ADAM22: variants seen among roughly 807,000 people sequenced by gnomAD.
The protein encoded by ADAM22 is ADAM metallopeptidase domain 22.
A neutral mutation model predicts 144.6 loss-of-function variants in ADAM22; 65 were observed. The ratio of observed to expected loss-of-function variants is 0.45; its 90% CI spans 0.37 to 0.55. The LOEUF is 0.55. Ranked by LOEUF, ADAM22 falls within the 20% of genes least tolerant of loss-of-function variation. The probability of loss-of-function intolerance (pLI) is 0.00; values close to 1 mark genes in which losing one functional copy is unlikely to be tolerated. For synonymous variants in ADAM22, 391 were observed against 412.6 expected, an observed-to-expected ratio of 0.95 and a Z score of 0.63; for missense variants, 974 against 1,184.9, an observed-to-expected ratio of 0.82 and a Z score of 2.61.
intron 31 of ADAM22, 102 bp downstream of exon 31, chr7:88,193,341 A>G: frequency 7.5e-7 from 1 of 1,336,830 alleles, no homozygotes; most frequent in Non-Finnish European, 9.9e-7. Flanking sequence ...CCTTGTTCCT[A>G]AGAAAATGAA....
intron 3 of ADAM22, among the ~76,000 whole-genome samples, chr7:88,043,353 C>T (rs376174916): frequency 1.2e-4 from 18 of 151,818 alleles, no homozygotes; most frequent in African/African-American, 3.6e-4. Context: ...GGCGTGGTGG[C>T]GGGCACCTGT....
Position 88,134,389 on chromosome 7 carries a change from AT to A in ADAM22, c.1140del (p.Ile381SerfsTer7). 1 of 1,610,946 alleles carries A rather than the reference AT, an allele frequency of 6.2e-7. No homozygotes were observed. Among genetic ancestry groups the A allele is most frequent in the Non-Finnish European group, 8.5e-7 (1 of 1,178,874 alleles). On this transcript the variant is annotated frameshift_variant, in exon 13 of 32. Coordinates refer to ENST00000413139, the MANE Select transcript of ADAM22 (RefSeq NM_001324418.2). LOFTEE classifies it high-confidence loss of function. ...LAQSLAHNIG[I>X]ISDKRKLASG... Reference sequence around the variant, plus strand: ...CCAGTCATTAGCCCATAATATTGGTATTATCTCAGACAAAAGAAAGTTAGCA... The same window carrying A: ...CCAGTCATTAGCCCATAATATTGGTATATCTCAGACAAAAGAAAGTTAGCA...
intron 3 of ADAM22, among the ~76,000 whole-genome samples, chr7:88,066,897 C>T (rs145563102): frequency 2.0e-5 from 3 of 152,118 alleles, no homozygotes; most frequent in Non-Finnish European, 2.9e-5. Context: ...TTAGATTTAA[C>T]GATATAGAGG....
At chr7:87,955,183 T>G (rs561467663) in intron 2 of ADAM22, among the ~76,000 whole-genome samples, 2 of 152,362 alleles carry the variant, frequency 1.3e-5, no homozygotes, top group African/African-American at 4.8e-5. Flanking sequence ...GGTGAGGAAC[T>G]GCGTTCCTTT....
In ADAM22 at chr7:88,010,975, TGTG is replaced by T. The variant is rs1795216284; in HGVS notation, c.323+32567_323+32569del. Among the ~76,000 whole-genome samples the T allele has an allele frequency of 2.0e-5, 3 of 152,192 alleles. No individual in the cohort carries two copies. The South Asian group carries it at 6.2e-4, about 32-fold the overall frequency. On this transcript the variant is annotated intron_variant, in intron 3 of 31. Transcript: ENST00000413139. ...AGTGTAATTTTTTGTGATTAGTAAATGTGGTGTGCTTTTTAAAGTATGTGATGG... is the reference window on the plus strand; with the variant it reads ...AGTGTAATTTTTTGTGATTAGTAAATGTGTGCTTTTTAAAGTATGTGATGG...
chr7:88,016,504 C>T (rs896547366), intron 3 of ADAM22, among the ~76,000 whole-genome samples: 7 of 152,098 alleles, frequency 4.6e-5, no homozygotes, highest in African/African-American at 1.7e-4. Context: ...ATTATTAATG[C>T]GTACCTTATA....
chr7:88,201,813 A>G lies in ADAM22; in HGVS notation c.*5322A>G, dbSNP rs1851224142. On this transcript the variant is annotated 3_prime_UTR_variant, in exon 32 of 32. Transcript: ENST00000413139. ...CTTAAGATAATGCACATACAGAATC[A>G]TCAATAAAGTTTCAAAGAGTTTATG... The G allele has an allele frequency of 6.6e-6, 1 of 152,242 alleles. No homozygotes were observed. The highest frequency in any genetic ancestry group is 2.4e-5 in the African/African-American group (1 of 41,468). The allele number at this position is 152,242 out of a possible 1,614,324, so 9.4% of individuals were successfully genotyped here. A position where few individuals can be genotyped will look rare whatever the true frequency, so the allele number is the denominator to read the frequency against.
intron 3 of ADAM22, among the ~76,000 whole-genome samples, chr7:88,007,237 T>G (rs1269149903): frequency 1.3e-3 from 204 of 151,994 alleles, no homozygotes; most frequent in African/African-American, 3.7e-3. Flanking sequence ...CACTGCTCAA[T>G]GAAATAAAAG....
intron 21 of ADAM22, among the ~76,000 whole-genome samples, chr7:88,155,604 A>G (rs991965064): frequency 6.6e-6 from 1 of 152,110 alleles, no homozygotes; most frequent in Non-Finnish European, 1.5e-5. Context: ...AGATTTCAAT[A>G]TAAAAGAAGC....
At chr7:88,047,410 A>T (rs1042162436) in intron 3 of ADAM22, among the ~76,000 whole-genome samples, 3 of 152,132 alleles carry the variant, frequency 2.0e-5, no homozygotes, top group Non-Finnish European at 4.4e-5. Context: ...ATTCACCAAG[A>T]TCTTTTCTTT....
chr7:88,080,021 C>A (rs1204204720), intron 4 of ADAM22, among the ~76,000 whole-genome samples: 1 of 152,164 alleles, frequency 6.6e-6, no homozygotes, highest in Non-Finnish European at 1.5e-5. Context: ...CAGAACTCTC[C>A]ACCTCAAATC....
chr7:88,103,973 A>G (rs993052137), intron 4 of ADAM22, among the ~76,000 whole-genome samples: 9 of 152,158 alleles, frequency 5.9e-5, no homozygotes, highest in African/African-American at 2.2e-4. Context: ...TTAGTTATTA[A>G]AATTTAAAAT....
At chr7:88,078,478 C>T (rs560002019) in intron 4 of ADAM22, among the ~76,000 whole-genome samples, 135 of 152,276 alleles carry the variant, frequency 8.9e-4, no homozygotes, top group Middle Eastern at 3.4e-3. Flanking sequence ...TCGCCAGCAA[C>T]GGAACAAAGC....
At chr7:88,172,796 C>T (rs1442560735) in intron 26 of ADAM22, among the ~76,000 whole-genome samples, 1 of 151,884 alleles carries the variant, frequency 6.6e-6, no homozygotes, top group African/African-American at 2.4e-5. Flanking sequence ...AACCAGATTT[C>T]TTCATGATGT....
intron 2 of ADAM22, among the ~76,000 whole-genome samples, chr7:87,950,883 T>C (rs1450835181): frequency 6.6e-6 from 1 of 150,806 alleles, no homozygotes; most frequent in Non-Finnish European, 1.5e-5. Flanking sequence ...ATTTCTCTGA[T>C]GGCCAGTGAT....
chr7:88,153,210 T>C lies in ADAM22; in HGVS notation c.1682-11T>C. ...CTTCCCTCACTGATAGAAAATTTTT[T>C]TCTGCCTTAGAGGTGACAGCATCAG... On this transcript the variant is annotated splice_polypyrimidine_tract_variant and intron_variant, in intron 20 of 31. Coordinates refer to ENST00000413139, the MANE Select transcript of ADAM22 (RefSeq NM_001324418.2). 1 of 1,603,068 alleles carries C rather than the reference T, an allele frequency of 6.2e-7. No homozygotes were observed. Among genetic ancestry groups the C allele is most frequent in the Non-Finnish European group, 8.5e-7 (1 of 1,175,492 alleles).
At chr7:88,179,343 A>G (rs571923375) in intron 27 of ADAM22, among the ~76,000 whole-genome samples, 5 of 152,036 alleles carry the variant, frequency 3.3e-5, no homozygotes, top group Non-Finnish European at 5.9e-5. Context: ...AACTATACAT[A>G]GTATTTAATA....
chr7:88,011,119 A>G (rs1795247691), intron 3 of ADAM22, among the ~76,000 whole-genome samples: 1 of 152,258 alleles, frequency 6.6e-6, no homozygotes. Context: ...TAATTAGGAA[A>G]GCTAGTAGTT....
chr7:88,180,959 T>G (rs1187282611), intron 27 of ADAM22, among the ~76,000 whole-genome samples: 1 of 152,144 alleles, frequency 6.6e-6, no homozygotes, highest in Non-Finnish European at 1.5e-5. Context: ...GTACTACACT[T>G]TTTTGGACCA....
Sources: allele counts gnomAD v4.1 joint callset (sites outside exome capture counted in the v4.1 genomes callset), GRCh38; gene constraint gnomAD v4.1.1; transcripts MANE v1.5; gene names NCBI Gene and HGNC (gene_info 2026-07-23, HGNC 2026-07-21).